Variants in ZBBX observed in about 807,000 individuals in gnomAD.
The protein encoded by ZBBX is zinc finger B-box domain-containing protein 1.
In ZBBX, 101 loss-of-function variants were observed where a neutral mutation model predicts 108.5. The observed-to-expected ratio is 0.93, with a 90% CI of 0.79 to 1.10. The LOEUF is 1.10. Ranked by LOEUF, ZBBX falls within the 50% of genes least tolerant of loss-of-function variation. The pLI, the probability that ZBBX is intolerant of heterozygous loss-of-function variation, is 0.00. For missense variants in ZBBX, 1,009 were observed against 941.4 expected (o/e 1.07, Z -0.94); for synonymous variants, 356 against 323.4 (o/e 1.10, Z -1.08).
At chr3:167,360,787 A>C in intron 6 of ZBBX, 64 bp from the exon 7 acceptor site, 2 of 1,019,932 alleles carry the variant, frequency 2.0e-6, no homozygotes, top group Non-Finnish European at 2.7e-6. Flanking sequence ...AAAGTTGCCA[A>C]CAAAAATATT....
chr3:167,192,583 C>T, the ZBBX span, among the ~76,000 whole-genome samples: 4 of 152,136 alleles, frequency 2.6e-5, no homozygotes, highest in Admixed American at 1.3e-4. Flanking sequence ...TCTTGCTCAG[C>T]TCCTTTTTGA....
At chr3:167,315,265 C>A (rs1032975093) in intron 15 of ZBBX, among the ~76,000 whole-genome samples, 5 of 152,086 alleles carry the variant, frequency 3.3e-5, no homozygotes, top group African/African-American at 1.2e-4. Flanking sequence ...CAAAGTGAAC[C>A]ATTATACTTC....
chr3:167,391,713 C>T (rs1169173431), intron 1 of ZBBX, among the ~76,000 whole-genome samples: 2 of 151,622 alleles, frequency 1.3e-5, no homozygotes, highest in Non-Finnish European at 2.9e-5. Flanking sequence ...AGTCATCTTT[C>T]TTTTCATCAA....
At chr3:167,214,172 T>C in the ZBBX span, among the ~76,000 whole-genome samples, 1 of 151,966 alleles carries the variant, frequency 6.6e-6, no homozygotes, top group Non-Finnish European at 1.5e-5. Flanking sequence ...ACATATTAAC[T>C]TTGAATGTAA....
the ZBBX span, among the ~76,000 whole-genome samples, chr3:167,230,981 A>G: frequency 3.3e-5 from 5 of 151,824 alleles, no homozygotes; most frequent in African/African-American, 1.2e-4. Context: ...AACGAGACTC[A>G]CTGCAAAATG....
intron 8 of ZBBX, among the ~76,000 whole-genome samples, chr3:167,353,943 C>T (rs1352317265): frequency 2.6e-5 from 4 of 151,936 alleles, no homozygotes; most frequent in Non-Finnish European, 5.9e-5. Context: ...TGATCAGTTA[C>T]AGACACTCTT....
chr3:167,251,745 T>C (rs558149792), intron 20 of ZBBX, among the ~76,000 whole-genome samples: 2 of 152,338 alleles, frequency 1.3e-5, no homozygotes, highest in East Asian at 3.9e-4. Flanking sequence ...TCTATTATTA[T>C]GCTCATCTTT....
At chr3:167,179,134 CCAGA>C in the ZBBX span, among the ~76,000 whole-genome samples, 2 of 151,524 alleles carry the variant, frequency 1.3e-5, no homozygotes, top group African/African-American at 2.4e-5. Flanking sequence ...GGCATGTAGC[CCAGA>C]CAAAGTGAGA....
intron 6 of ZBBX, among the ~76,000 whole-genome samples, chr3:167,364,943 C>G (rs1204075108): frequency 6.6e-6 from 1 of 151,766 alleles, no homozygotes; most frequent in Non-Finnish European, 1.5e-5. Flanking sequence ...ACTTCCTCCT[C>G]TCCTTTCTCA....
Position 167,315,836 on chromosome 3 carries a change from A to G in ZBBX, c.1195-7T>C, listed in dbSNP as rs1560111918. On this transcript the variant is annotated splice_region_variant and splice_polypyrimidine_tract_variant and intron_variant, in intron 14 of 21. Coordinates refer to ENST00000675490, the MANE Select transcript of ZBBX (RefSeq NM_001199201.2). ...CAAATTCCTCTTCATAAGTCTTATT[A>G]AATTAATGTTATATAATATTAGTAA... The G allele has an allele frequency of 6.5e-7, 1 of 1,542,288 alleles. No homozygotes were observed.
At chr3:167,300,903 A>C (rs894326963) in intron 17 of ZBBX, among the ~76,000 whole-genome samples, 2 of 145,960 alleles carry the variant, frequency 1.4e-5, no homozygotes, top group Non-Finnish European at 3.0e-5. Context: ...GGCGTGAGCC[A>C]CTGTGCCTGG....
intron 4 of ZBBX, 136 bp downstream of exon 4, chr3:167,372,698 T>C (rs1746336776): frequency 3.9e-6 from 2 of 511,948 alleles, no homozygotes; most frequent in Non-Finnish European, 6.9e-6. Context: ...ATTTATAGTA[T>C]TTCAAAGCTA....
intron 16 of ZBBX, among the ~76,000 whole-genome samples, chr3:167,311,899 C>T (rs997883992): frequency 1.3e-5 from 2 of 152,078 alleles, no homozygotes; most frequent in Non-Finnish European, 2.9e-5. Flanking sequence ...CTAAACATAC[C>T]TGTACCATAT....
chr3:167,360,181 T>C (rs957226262), intron 7 of ZBBX, among the ~76,000 whole-genome samples: 2 of 148,636 alleles, frequency 1.3e-5, no homozygotes, highest in African/African-American at 4.9e-5. Context: ...TCTGAATTTT[T>C]TCTACCAAAC....
intron 20 of ZBBX, among the ~76,000 whole-genome samples, chr3:167,247,554 T>C (rs139477785): frequency 7.9e-5 from 12 of 152,282 alleles, no homozygotes; most frequent in Admixed American, 3.9e-4. Flanking sequence ...GAGGGTCTAA[T>C]TGAGCTGGTT....
the ZBBX span, among the ~76,000 whole-genome samples, chr3:167,179,031 G>C: frequency 6.7e-4 from 102 of 151,862 alleles, no homozygotes; most frequent in Non-Finnish European, 9.1e-4. Context: ...GTATAGCCTG[G>C]GGCATTGTCC....
chr3:167,313,863 C>A, intron 16 of ZBBX, 111 bp downstream of exon 16: 1 of 960,738 alleles, frequency 1.0e-6, no homozygotes, highest in Non-Finnish European at 1.5e-6. Context: ...CATTTTAGTA[C>A]TGAGGTTTTT....
chr3:167,373,944 A>T (rs1746555751), intron 2 of ZBBX, among the ~76,000 whole-genome samples, 157 bp from the exon 3 acceptor site: 1 of 152,226 alleles, frequency 6.6e-6, no homozygotes, highest in Admixed American at 6.5e-5. Flanking sequence ...CTGTATAGCA[A>T]AAGACTAGGG....
chr3:167,289,702 G>T (rs1036306642), intron 18 of ZBBX, among the ~76,000 whole-genome samples: 1 of 152,160 alleles, frequency 6.6e-6, no homozygotes, highest in Non-Finnish European at 1.5e-5. Flanking sequence ...CTAGCCACAG[G>T]AGTTTATTTC....
Sources: allele counts gnomAD v4.1 joint callset (sites outside exome capture counted in the v4.1 genomes callset), GRCh38; gene constraint gnomAD v4.1.1; transcripts MANE v1.5; gene names NCBI Gene and HGNC (gene_info 2026-07-23, HGNC 2026-07-21).